CFAP97: variants seen among roughly 807,000 people sequenced by gnomAD.
The protein encoded by CFAP97 is cilia- and flagella-associated protein 97.
Under a neutral mutation model 43.1 loss-of-function variants are expected in CFAP97, and 36 were observed. The ratio of observed to expected loss-of-function variants is 0.84; its 90% CI spans 0.64 to 1.10. CFAP97 has a LOEUF of 1.10. CFAP97 is among the 50% of genes least tolerant of loss of function. CFAP97 has a pLI of 0.00. For synonymous variants in CFAP97, 228 were observed against 225.7 expected (o/e 1.01, Z -0.09); for missense variants, 657 against 620.3 (o/e 1.06, Z -0.63).
intron 1 of CFAP97, among the ~76,000 whole-genome samples, chr4:185,195,768 T>C (rs1427163101): frequency 6.6e-6 from 1 of 152,174 alleles, no homozygotes. Flanking sequence ...CACTTGAATG[T>C]AAAAGGAAAA....
chr4:185,190,538 T>C lies in CFAP97; in HGVS notation c.659A>G (p.Lys220Arg). The C allele has an allele frequency of 6.2e-7, 1 of 1,613,934 alleles. No individual in the cohort carries two copies. Residue 220 changes from lysine to arginine, a missense_variant, in exon 2 of 5, where the codon AAA becomes AGA. By Grantham distance (26) the Lys-to-Arg change is conservative. Transcript: ENST00000458385. Reference sequence around the variant, plus strand: ...TTTTATTCCTGATTTATACTTGTGTTTTGGTGACAGGAGGGTTATACCAGA... The same window carrying C: ...TTTTATTCCTGATTTATACTTGTGTCTTGGTGACAGGAGGGTTATACCAGA... The part of the protein sequence containing the change: ...HVSGITLLSP[K>R]HKYKSGIKST...
At chr4:185,178,904 T>G (rs1704158449) in intron 2 of CFAP97, among the ~76,000 whole-genome samples, 1 of 152,050 alleles carries the variant, frequency 6.6e-6, no homozygotes, top group Admixed American at 6.6e-5. Flanking sequence ...ACGACCACAC[T>G]GGTAGATCTG....
chr4:185,172,624 A>G (rs1229479864), intron 3 of CFAP97, among the ~76,000 whole-genome samples: 2 of 152,216 alleles, frequency 1.3e-5, no homozygotes, highest in Non-Finnish European at 2.9e-5. Context: ...TCTGTTTTGC[A>G]GTATATCTGA....
intron 1 of CFAP97, among the ~76,000 whole-genome samples, chr4:185,197,193 AAATT>A (rs1377019713): frequency 1.3e-5 from 2 of 151,986 alleles, no homozygotes; most frequent in East Asian, 3.8e-4. Flanking sequence ...TGAAATCACA[AAATT>A]ATTTAGCTAT....
chr4:185,167,916 T>C (rs953418276), intron 3 of CFAP97, among the ~76,000 whole-genome samples: 4 of 150,664 alleles, frequency 2.7e-5, no homozygotes, highest in Non-Finnish European at 1.5e-5. Flanking sequence ...TGAGAATCAC[T>C]TGAACCTGGA....
Position 185,191,076 on chromosome 4 carries a change from T to C in CFAP97, c.121A>G (p.Lys41Glu). 6.2e-7 allele frequency: 1 copy of C among 1,613,400 alleles called. No homozygotes were observed. Among genetic ancestry groups the C allele is most frequent in the East Asian group, 2.2e-5 (1 of 44,848 alleles). The change falls in exon 2 of 5, where the codon AAG (lysine) becomes GAG (glutamate). Residue 41 changes from lysine to glutamate, a missense_variant. Transcript: ENST00000458385. The part of the protein sequence containing the change: ...SVFDKQNDDP[K>E]ERIDKDTKNV... The stretch of plus-strand genomic sequence containing the variant: ...TTTGTATCTTTATCTATTCTTTCCT[T>C]TGGGTCATCATTTTGCTTGTCAAAA...
chr4:185,205,986 T>A (rs1737172688), upstream of CFAP97, among the ~76,000 whole-genome samples: 1 of 152,150 alleles, frequency 6.6e-6, no homozygotes, highest in Non-Finnish European at 1.5e-5. Flanking sequence ...GAGATACCGA[T>A]GGCTTTAGTC....
At chr4:185,167,194 C>G (rs1034414995) in intron 3 of CFAP97, among the ~76,000 whole-genome samples, 4 of 152,096 alleles carry the variant, frequency 2.6e-5, no homozygotes, top group Non-Finnish European at 1.5e-5. Flanking sequence ...AGGCTGGGTG[C>G]AGTGGCTTAC....
intron 2 of CFAP97, among the ~76,000 whole-genome samples, chr4:185,179,503 T>G (rs1735697583): frequency 6.6e-6 from 1 of 152,144 alleles, no homozygotes; most frequent in African/African-American, 2.4e-5. Flanking sequence ...CCTTGTTTCC[T>G]GGAACACACG....
rs1734898012 is a variant in CFAP97, at chr4:185,162,278, T to C, written c.*520A>G. 3 of 154,238 alleles carry C rather than the reference T, an allele frequency of 1.9e-5. No individual in the cohort carries two copies. The highest frequency in any genetic ancestry group is 7.2e-5 in the African/African-American group (3 of 41,448). 9.6% of individuals were successfully genotyped at this position (154,238 alleles called of 1,614,324 possible). A position where few individuals can be genotyped will look rare whatever the true frequency, so the allele number is the denominator to read the frequency against. On this transcript the variant is annotated 3_prime_UTR_variant, in exon 5 of 5. Coordinates refer to ENST00000458385, the MANE Select transcript of CFAP97 (RefSeq NM_020827.3). ...AGCGTCTCTCAATCTGCTCATCAAA[T>C]CTAGATCAGCTCTACCAGTGAAAAC...
intron 1 of CFAP97, among the ~76,000 whole-genome samples, chr4:185,193,607 T>C (rs1189454363): frequency 6.6e-6 from 1 of 151,982 alleles, no homozygotes; most frequent in African/African-American, 2.4e-5. Flanking sequence ...GATCACGCCA[T>C]TGTACCACTC....
chr4:185,166,235 T>C (rs971451344), intron 3 of CFAP97, among the ~76,000 whole-genome samples: 5 of 152,204 alleles, frequency 3.3e-5, no homozygotes, highest in African/African-American at 1.2e-4. Flanking sequence ...CTTTCTTGCA[T>C]TGTGGACAGA....
At chr4:185,172,670 T>C (rs1735347437) in intron 3 of CFAP97, among the ~76,000 whole-genome samples, 1 of 152,164 alleles carries the variant, frequency 6.6e-6, no homozygotes, top group Non-Finnish European at 1.5e-5. Flanking sequence ...CTCTGTGTGC[T>C]GAACATATGC....
upstream of CFAP97, chr4:185,209,873 C>T (rs1004653809): frequency 1.2e-5 from 12 of 983,312 alleles, no homozygotes; most frequent in East Asian, 6.9e-4. This position sits in a 1 kb window ranked among gnomAD's most constrained non-coding sequence, Gnocchi z 5.2. Context: ...CCCAGCCCCG[C>T]GCGGGCCGCA....
At chr4:185,176,891 T>C (rs1735571028) in intron 2 of CFAP97, among the ~76,000 whole-genome samples, 5 of 152,198 alleles carry the variant, frequency 3.3e-5, no homozygotes, top group Admixed American at 3.3e-4. Context: ...AATATTGCCA[T>C]TAAAGCAAAT....
intron 2 of CFAP97, among the ~76,000 whole-genome samples, chr4:185,181,274 T>TA (rs55683602): frequency 0.52 from 68,714 of 132,602 alleles, 17,485 homozygotes; most frequent in Middle Eastern, 0.63. Flanking sequence ...AAAATAAAAA[T>TA]AAAAAAAAAT....
At chr4:185,165,022 T>C (rs1028298964) in intron 3 of CFAP97, among the ~76,000 whole-genome samples, 1 of 152,262 alleles carries the variant, frequency 6.6e-6, no homozygotes, top group Non-Finnish European at 1.5e-5. Flanking sequence ...TGCTAGTTTC[T>C]ACTAGCCCAG....
At chr4:185,203,834 A>G (rs1040741901) in intron 1 of CFAP97, 64 bp downstream of exon 1, 4 of 151,868 alleles carry the variant, frequency 2.6e-5, no homozygotes, top group Non-Finnish European at 5.9e-5. Flanking sequence ...ACGGATGCGA[A>G]CGGAAAGGAG....
Position 185,173,362 on chromosome 4 carries a change from TAA to T in CFAP97, c.1320+2422_1320+2423del, listed in dbSNP as rs11345517. On this transcript the variant is annotated intron_variant, in intron 3 of 4. Coordinates refer to ENST00000458385, the MANE Select transcript of CFAP97 (RefSeq NM_020827.3). The stretch of plus-strand genomic sequence containing the variant: ...TGGTGACGAGCCAGACTCCGTCTCT[TAA>T]AAAAAAAAAAAAAAAAAAGTAAACC... Among the ~76,000 whole-genome samples the T allele has an allele frequency of 3.5e-3, 449 of 127,622 alleles. 1 individual carries two copies. Among genetic ancestry groups the T allele is most frequent in the African/African-American group, 8.8e-3 (300 of 34,012 alleles). 83.7% of individuals were successfully genotyped at this position (127,622 alleles called of 152,430 possible).
Sources: allele counts gnomAD v4.1 joint callset (sites outside exome capture counted in the v4.1 genomes callset), GRCh38; gene constraint gnomAD v4.1.1; non-coding constraint Gnocchi (gnomAD v3.1); transcripts MANE v1.5; gene names NCBI Gene and HGNC (gene_info 2026-07-23, HGNC 2026-07-21).